ERFE: variants seen among roughly 807,000 people sequenced by gnomAD.
ERFE encodes the protein erythroferrone.
ERFE carries 25 observed loss-of-function variants against 26.6 expected under a neutral mutation model. That is an observed-to-expected ratio of 0.94 (90% CI 0.69 to 1.31). The LOEUF (loss-of-function observed/expected upper bound fraction) is 1.31, where lower values mean the gene tolerates loss of function less well. Among genes scored for constraint, ERFE ranks in the 40% most tolerant of loss-of-function variants. ERFE has a pLI of 0.00. For missense variants in ERFE, 447 were observed against 440.2 expected, an observed-to-expected ratio of 1.02 and a Z score of -0.14; for synonymous variants, 206 against 204.5, an observed-to-expected ratio of 1.01 and a Z score of -0.06.
rs1369165072 is a variant in ERFE, at chr2:238,164,112, T to C, written c.725T>C (p.Leu242Pro). The C allele has an allele frequency of 6.9e-7, 1 of 1,450,660 alleles. No individual in the cohort carries two copies. The highest frequency in any genetic ancestry group is 9.0e-7 in the Non-Finnish European group (1 of 1,105,452). The allele number at this position is 1,450,660 out of a possible 1,614,324, so 89.9% of individuals were successfully genotyped here. A position where few individuals can be genotyped will look rare whatever the true frequency, so the allele number is the denominator to read the frequency against. ...GGTGCCTTCCGCCGCGGCCCGGGCC[T>C]GAACTTGACCAGCGGCCAGTACAGG... is the stretch of plus-strand genomic sequence containing the variant. ...AEGAFRRGPG[L>P]NLTSGQYRAP... Residue 242 changes from leucine to proline, a missense_variant, in exon 5 of 8, where the codon CTG becomes CCG. Coordinates refer to ENST00000546354, the MANE Select transcript of ERFE (RefSeq NM_001291832.2).
Position 238,167,292 on chromosome 2 carries a change from GGAAA to G in ERFE, c.*245_*248del, listed in dbSNP as rs1693055954. The G allele has an allele frequency of 4.3e-6, 3 of 699,716 alleles. No individual in the cohort carries two copies. Among genetic ancestry groups the G allele is most frequent in the South Asian group, 3.0e-5 (2 of 66,748 alleles). 43.3% of individuals were successfully genotyped at this position (699,716 alleles called of 1,614,324 possible). On this transcript the variant is annotated 3_prime_UTR_variant, in exon 8 of 8. Coordinates refer to ENST00000546354, the MANE Select transcript of ERFE (RefSeq NM_001291832.2). ...GGACACCATCTTGGGCTCTTATCCA[GGAAA>G]GAAAGAGTCGGCGTGCCTGGGGGCA...
At chr2:238,165,735 G>A (rs868444475) in intron 7 of ERFE, 51 bp downstream of exon 7, 19 of 1,502,504 alleles carry the variant, frequency 1.3e-5, no homozygotes, top group Middle Eastern at 1.8e-4. Flanking sequence ...GCATGGCCAC[G>A]GGTGGCTGGG....
intron 7 of ERFE, among the ~76,000 whole-genome samples, chr2:238,166,277 C>T (rs1297459857): frequency 1.3e-5 from 2 of 152,246 alleles, no homozygotes; most frequent in Non-Finnish European, 2.9e-5. Flanking sequence ...GAAGGTAGAG[C>T]TACTCCCCGA....
Position 238,163,765 on chromosome 2 carries a change from G to T in ERFE, c.453G>T (p.Glu151Asp). 7.3e-7 allele frequency: 1 copy of T among 1,365,554 alleles called. No homozygotes were observed. Among genetic ancestry groups the T allele is most frequent in the Non-Finnish European group, 9.4e-7 (1 of 1,063,900 alleles). 84.6% of individuals were successfully genotyped at this position (1,365,554 alleles called of 1,614,324 possible). A position where few individuals can be genotyped will look rare whatever the true frequency, so the allele number is the denominator to read the frequency against. Residue 151 changes from glutamate to aspartate, a missense_variant, in exon 4 of 8, where the codon GAG (glutamate) becomes GAT (aspartate). Physicochemically the swap from Glu to Asp is conservative, Grantham distance 45. Coordinates refer to ENST00000546354, the MANE Select transcript of ERFE (RefSeq NM_001291832.2). ...CGGTGCGGCAGCGGGAGCGCGCGGA[G>T]CCCGAACCCTGTACGTGTGGCCCCG... ...KGAVRQRERA[E>D]PEPCTCGPAG...
At chr2:238,161,956 A>C (rs1377948404) in intron 2 of ERFE, among the ~76,000 whole-genome samples, 1 of 152,172 alleles carries the variant, frequency 6.6e-6, no homozygotes, top group Non-Finnish European at 1.5e-5. Context: ...CTCCCTCTGC[A>C]TCCAGGCCAG....
At chr2:238,159,345 C>A (rs1692904539) in intron 1 of ERFE, 140 bp downstream of exon 1, 1 of 169,010 alleles carries the variant, frequency 5.9e-6, no homozygotes, top group Non-Finnish European at 1.3e-5. Flanking sequence ...TCCGGGGCTC[C>A]GCAGAGACTC....
At chr2:238,161,749 G>C in intron 2 of ERFE, 33 bp downstream of exon 2, 2 of 1,518,390 alleles carry the variant, frequency 1.3e-6, no homozygotes, top group South Asian at 1.2e-5. Context: ...GCCAGGCCGT[G>C]GGGGGTTCCG....
At chr2:238,163,699 G>C in intron 3 of ERFE, 38 bp from the exon 4 acceptor site, 1 of 1,273,500 alleles carries the variant, frequency 7.9e-7, no homozygotes, top group Non-Finnish European at 9.9e-7. Flanking sequence ...GGCGGGTGAG[G>C]GGTCCCTGGC....
rs767430184 is a variant in ERFE, at chr2:238,168,412, G to A, written c.*1358G>A. ...TGCCTCAGGACCTCCTGGGAGCCAA[G>A]CTGGTCTGGCAAGGGCGCTCAGGCC... On this transcript the variant is annotated 3_prime_UTR_variant, in exon 8 of 8. Coordinates refer to ENST00000546354, the MANE Select transcript of ERFE (RefSeq NM_001291832.2). 4 of 471,020 alleles carry A rather than the reference G, an allele frequency of 8.5e-6. No individual in the cohort carries two copies. Among genetic ancestry groups the A allele is most frequent in the Non-Finnish European group, 1.3e-5 (3 of 227,032 alleles). 29.2% of individuals were successfully genotyped at this position (471,020 alleles called of 1,614,324 possible). A position where few individuals can be genotyped will look rare whatever the true frequency, so the allele number is the denominator to read the frequency against.
intron 1 of ERFE, 103 bp from the exon 2 acceptor site, chr2:238,161,491 C>T: frequency 2.2e-6 from 3 of 1,362,426 alleles, no homozygotes; most frequent in Non-Finnish European, 2.9e-6. Context: ...GGACCAGGGT[C>T]CCAGAGTACA....
chr2:238,165,776 C>A, intron 7 of ERFE, 92 bp downstream of exon 7: 12 of 1,223,624 alleles, frequency 9.8e-6, no homozygotes, highest in Non-Finnish European at 1.4e-5. Flanking sequence ...TGCTCAGGAT[C>A]ACTGGGTCGG....
chr2:238,164,244 T>C (rs1468609634), intron 5 of ERFE, 26 bp from the exon 6 acceptor site: 3 of 1,451,864 alleles, frequency 2.1e-6, no homozygotes, highest in African/African-American at 1.5e-5. Flanking sequence ...CCCGCCCGCT[T>C]GACCACGTCC....
chr2:238,166,181 T>C (rs1419568581), intron 7 of ERFE, among the ~76,000 whole-genome samples: 3 of 152,218 alleles, frequency 2.0e-5, no homozygotes, highest in South Asian at 2.1e-4. Context: ...GAAATGGACA[T>C]AAAGGTGGAA....
Position 238,162,824 on chromosome 2 carries a change from A to T in ERFE, c.410A>T (p.Gln137Leu), listed in dbSNP as rs960362996. 6.5e-6 allele frequency: 10 copies of T among 1,550,088 alleles called. No individual in the cohort carries two copies. Among genetic ancestry groups the T allele is most frequent in the Non-Finnish European group, 8.7e-6 (10 of 1,146,818 alleles). ...CCCGAGGCGCTGCTGAAGGAGTTCCAGCTGCTGCTGAAAGGTAGGGGTGTG... is the reference window on the plus strand; with the variant it reads ...CCCGAGGCGCTGCTGAAGGAGTTCCTGCTGCTGCTGAAAGGTAGGGGTGTG... ...IPPEALLKEFQLLLKGAVRQR... is the reference protein window; with the variant it reads ...IPPEALLKEFLLLLKGAVRQR... The change falls in exon 3 of 8, where the codon CAG becomes CTG. Residue 137 changes from glutamine (Q) to leucine (L), a missense_variant. By Grantham distance (113) the Gln-to-Leu change is moderately radical (BLOSUM62 -2). Coordinates refer to ENST00000546354, the MANE Select transcript of ERFE (RefSeq NM_001291832.2).
chr2:238,162,482 G>A (rs769286310), intron 2 of ERFE, among the ~76,000 whole-genome samples: 1 of 152,220 alleles, frequency 6.6e-6, no homozygotes, highest in East Asian at 1.9e-4. Context: ...CCGCAGGAGC[G>A]GGCTTCAGCC....
At position 238,161,611 on chromosome 2, in the gene ERFE, T is replaced by G. The variant is rs762739808; in HGVS notation, c.216T>G (p.Arg72=). 3 of 1,542,420 alleles carry G rather than the reference T, an allele frequency of 1.9e-6. No individual in the cohort carries two copies. The highest frequency in any genetic ancestry group is 4.9e-5 in the East Asian group (2 of 40,642). ...AARPPEPTAE[R]AHSVDPRDAW... ...TGTTCCAGGAGCCCACCGCTGAGCG[T>G]GCACACAGCGTCGACCCCCGGGACG... Residue 72 remains arginine, a synonymous_variant, in exon 2 of 8, where the codon CGT becomes CGG. Transcript: ENST00000546354.
rs748409821 is a variant in ERFE at position 238,159,001 on chromosome 2, C to T, written c.-7C>T. ...GCGCTCGGAGCCGCGAGGGAACCGCCGCCCGCATGGCCCCGGCCCGCCGCC... is the reference window on the plus strand; with the variant it reads ...GCGCTCGGAGCCGCGAGGGAACCGCTGCCCGCATGGCCCCGGCCCGCCGCC... On this transcript the variant is annotated 5_prime_UTR_variant, in exon 1 of 8. Transcript: ENST00000546354. The T allele has an allele frequency of 7.4e-4, 187 of 253,478 alleles. No individual in the cohort carries two copies. The highest frequency in any genetic ancestry group is 1.8e-3 in the South Asian group (12 of 6,614). 15.7% of individuals were successfully genotyped at this position (253,478 alleles called of 1,614,324 possible).
intron 1 of ERFE, among the ~76,000 whole-genome samples, chr2:238,159,643 G>A (rs994690135): frequency 3.9e-5 from 6 of 152,354 alleles, no homozygotes; most frequent in African/African-American, 1.4e-4. Context: ...GGGGGGCTGT[G>A]CAGGGTGGGG....
At chr2:238,166,871 A>G in intron 7 of ERFE, 85 bp from the exon 8 acceptor site, 1 of 1,117,908 alleles carries the variant, frequency 8.9e-7, no homozygotes, top group East Asian at 2.6e-5. Flanking sequence ...CTGAGTGGGC[A>G]GGAGGGAGTG....
Sources: allele counts gnomAD v4.1 joint callset (sites outside exome capture counted in the v4.1 genomes callset), GRCh38; gene constraint gnomAD v4.1.1; transcripts MANE v1.5; gene names NCBI Gene and HGNC (gene_info 2026-07-23, HGNC 2026-07-21).